PTBP3: variants seen among roughly 807,000 people sequenced by gnomAD.
PTBP3 encodes polypyrimidine tract binding protein 3.
Under a neutral mutation model 58.7 loss-of-function variants are expected in PTBP3, and 20 were observed. That is an observed-to-expected ratio of 0.34 (90% confidence interval 0.24 to 0.50). The LOEUF (loss-of-function observed/expected upper bound fraction) is 0.50. Ranked by LOEUF, PTBP3 falls within the 20% of genes least tolerant of loss-of-function variation. The pLI is 0.98. For missense variants in PTBP3, 509 were observed against 637.2 expected (o/e 0.80, Z 2.17); for synonymous variants, 185 against 219.8 (o/e 0.84, Z 1.40).
chr9:112,332,956 G>C, intron 1 of PTBP3: 3 of 1,453,014 alleles, frequency 2.1e-6, no homozygotes, highest in Non-Finnish European at 2.7e-6. Context: ...GTGGGACCAT[G>C]GCTTGCGACC....
In PTBP3 at chr9:112,275,802, C is replaced by A. The variant is rs1827584855; in HGVS notation, c.204+42G>T. ...TAAAAATTATCAGTAATACTAACAT[C>A]TGGAGATAATCACTCTTTGTCAATC... On this transcript the variant is annotated intron_variant, in intron 3 of 13. Coordinates refer to ENST00000374257, the MANE Select transcript of PTBP3 (RefSeq NM_001163788.4). 4 of 1,494,698 alleles carry A rather than the reference C, an allele frequency of 2.7e-6. No homozygotes were observed. In the East Asian group the frequency reaches 9.1e-5, roughly 34 times the overall value. The allele number at this position is 1,494,698 out of a possible 1,614,324, so 92.6% of individuals were successfully genotyped here. A position where few individuals can be genotyped will look rare whatever the true frequency, so the allele number is the denominator to read the frequency against.
At position 112,221,365 on chromosome 9, in the gene PTBP3, A is replaced by C; in HGVS notation, c.*2486T>G. On this transcript the variant is annotated 3_prime_UTR_variant, in exon 14 of 14. Transcript: ENST00000374257. ...TCTCAGACTTAAAAGGCCATTCCCTACTTCAAAGTTACATTCAACACCACT... is the reference window on the plus strand; with the variant it reads ...TCTCAGACTTAAAAGGCCATTCCCTCCTTCAAAGTTACATTCAACACCACT... 1.0e-6 allele frequency: 1 copy of C among 985,840 alleles called. No individual in the cohort carries two copies. Among genetic ancestry groups the C allele is most frequent in the Non-Finnish European group, 1.2e-6 (1 of 829,916 alleles). The allele number at this position is 985,840 out of a possible 1,614,324, so 61.1% of individuals were successfully genotyped here.
chr9:112,333,441 G>C (rs768396387), intron 1 of PTBP3, 29 bp downstream of exon 1: 3 of 1,571,052 alleles, frequency 1.9e-6, no homozygotes, highest in Non-Finnish European at 2.6e-6. Context: ...AGGCAACCCG[G>C]TGCGGCCGCC....
chr9:112,368,314 G>A, the PTBP3 span, among the ~76,000 whole-genome samples: 1 of 152,202 alleles, frequency 6.6e-6, no homozygotes, highest in South Asian at 2.1e-4. Context: ...GGGATTACAG[G>A]CGTGCGCCAC....
intron 1 of PTBP3, among the ~76,000 whole-genome samples, chr9:112,305,877 T>C (rs10981351): frequency 0.28 from 43,089 of 151,900 alleles, 6,982 homozygotes; most frequent in South Asian, 0.41. Context: ...GAGGCGGAGC[T>C]TGCAGTGAGC....
the PTBP3 span, among the ~76,000 whole-genome samples, chr9:112,375,851 C>T: frequency 6.6e-6 from 1 of 152,070 alleles, no homozygotes; most frequent in East Asian, 1.9e-4. Flanking sequence ...GTTCAGTTTC[C>T]ACCAAAGCCC....
chr9:112,379,856 G>GTTGTGT, the PTBP3 span: 1 of 522,028 alleles, frequency 1.9e-6, no homozygotes, highest in Non-Finnish European at 3.4e-6. Context: ...GCGCCGACAG[G>GTTGTGT]AGCCTGATTG....
chr9:112,347,872 G>A, the PTBP3 span, among the ~76,000 whole-genome samples: 4 of 152,116 alleles, frequency 2.6e-5, no homozygotes, highest in Non-Finnish European at 5.9e-5. Context: ...CTGGTTGTTG[G>A]TTTCACAGGT....
rs186390949 is a variant in PTBP3 at position 112,245,133 on chromosome 9, A to G, written c.802+5796T>C. Among the ~76,000 whole-genome samples, 140 of 152,242 alleles carry G rather than the reference A, an allele frequency of 9.2e-4. 1 individual carries two copies. The highest frequency in any genetic ancestry group is 4.6e-3 in the South Asian group (22 of 4,826). ...AGACCAGCCTGGCCAACATGGCAAA[A>G]CCCTGTCTCTACAAAAAATACAAAA... is the stretch of plus-strand genomic sequence containing the variant. On this transcript the variant is annotated intron_variant, in intron 7 of 13. Transcript: ENST00000374257.
Position 112,262,514 on chromosome 9 carries a change from A to AC in PTBP3, c.436dup (p.Val146GlyfsTer14). On this transcript the variant is annotated frameshift_variant, in exon 5 of 14. Coordinates refer to ENST00000374257, the MANE Select transcript of PTBP3 (RefSeq NM_001163788.4). LOFTEE classifies it high-confidence loss of function. Reference sequence around the variant, plus strand: ...AAGCACAGGGCTCTGCCCAGGTAGGACTGTGCCTTCATTGGAAGGACCTCC... The same window carrying AC: ...AAGCACAGGGCTCTGCCCAGGTAGGACCTGTGCCTTCATTGGAAGGACCTCC... 1 of 1,611,986 alleles carries AC rather than the reference A, an allele frequency of 6.2e-7. No individual in the cohort carries two copies. The highest frequency in any genetic ancestry group is 8.5e-7 in the Non-Finnish European group (1 of 1,179,258).
intron 1 of PTBP3, among the ~76,000 whole-genome samples, 198 bp downstream of exon 1, chr9:112,333,272 C>T (rs887164133): frequency 6.6e-6 from 1 of 152,094 alleles, no homozygotes; most frequent in Admixed American, 6.5e-5. Flanking sequence ...GAAAGGAGAG[C>T]CTGCGGCGGA....
the PTBP3 span, among the ~76,000 whole-genome samples, chr9:112,343,683 G>A: frequency 1.3e-5 from 2 of 151,800 alleles, no homozygotes; most frequent in Admixed American, 1.3e-4. Context: ...CCAGCTACTT[G>A]GGAGGCTGAG....
At chr9:112,251,360 G>A (rs770187931) in intron 6 of PTBP3, among the ~76,000 whole-genome samples, 101 of 152,264 alleles carry the variant, frequency 6.6e-4, no homozygotes, top group Non-Finnish European at 9.6e-4. Context: ...TCAAATAAGA[G>A]AGGAGAAATG....
intron 2 of PTBP3, among the ~76,000 whole-genome samples, chr9:112,294,882 T>A (rs915175608): frequency 6.6e-6 from 1 of 152,058 alleles, no homozygotes; most frequent in Non-Finnish European, 1.5e-5. Context: ...GAAAAAAAAA[T>A]TCCCATTCAA....
intron 10 of PTBP3, among the ~76,000 whole-genome samples, chr9:112,230,565 C>T (rs1482768978): frequency 6.6e-6 from 1 of 151,932 alleles, no homozygotes; most frequent in Non-Finnish European, 1.5e-5. Context: ...CAATGAAACC[C>T]CTGCATTTAG....
chr9:112,251,869 T>C (rs1166087690), intron 6 of PTBP3, among the ~76,000 whole-genome samples: 1 of 152,106 alleles, frequency 6.6e-6, no homozygotes, highest in Non-Finnish European at 1.5e-5. Context: ...TACAAAATAA[T>C]ATATGCATGT....
intron 1 of PTBP3, among the ~76,000 whole-genome samples, chr9:112,324,765 T>C (rs1486277204): frequency 6.6e-6 from 1 of 151,648 alleles, no homozygotes; most frequent in Non-Finnish European, 1.5e-5. Flanking sequence ...CACCAATCAC[T>C]GGATCAATAA....
chr9:112,256,290 TATAC>T lies in PTBP3; in HGVS notation c.517-3506_517-3503del, dbSNP rs1268795109. 4.0e-3 allele frequency among the ~76,000 whole-genome samples: 126 copies of T among 31,572 alleles called. No homozygotes were observed. The African/African-American group carries it at 0.052, about 13-fold the overall frequency. The allele number at this position is 31,572 out of a possible 152,430, so 20.7% of individuals were successfully genotyped here. ...AAAACAAAATATATATATATATATA[TATAC>T]ATATATATATATATATTTATCTATC... On this transcript the variant is annotated intron_variant, in intron 5 of 13. Coordinates refer to ENST00000374257, the MANE Select transcript of PTBP3 (RefSeq NM_001163788.4).
At chr9:112,232,816 T>C (rs1835297366) in intron 8 of PTBP3, among the ~76,000 whole-genome samples, 1 of 152,172 alleles carries the variant, frequency 6.6e-6, no homozygotes, top group Non-Finnish European at 1.5e-5. Flanking sequence ...TCTACTTCTC[T>C]AGGTACTATG....
Sources: gnomAD v4.1 joint callset for allele counts (sites outside exome capture counted in the v4.1 genomes callset) on GRCh38, gnomAD v4.1.1 for gene constraint, MANE v1.5 for transcripts, NCBI Gene and HGNC (gene_info 2026-07-23, HGNC 2026-07-21) for gene names.